NKAIN2: variants seen among roughly 807,000 people sequenced by gnomAD.
The protein encoded by NKAIN2 is sodium/potassium transporting ATPase interacting 2.
NKAIN2 carries 14 observed loss-of-function variants against 32.6 expected under a neutral mutation model. That is an observed-to-expected ratio of 0.43 (90% CI 0.28 to 0.67). NKAIN2 has a LOEUF of 0.67. NKAIN2 is among the 30% of genes least tolerant of loss of function. The pLI, the probability that NKAIN2 is intolerant of heterozygous loss-of-function variation, is 0.17. For synonymous variants in NKAIN2, 80 were observed against 87.2 expected (o/e 0.92, Z 0.46); for missense variants, 198 against 258.3 (o/e 0.77, Z 1.60).
At chr6:124,727,177 C>T (rs1162086805) in intron 4 of NKAIN2, among the ~76,000 whole-genome samples, 1 of 150,750 alleles carries the variant, frequency 6.6e-6, no homozygotes, top group Non-Finnish European at 1.5e-5. Flanking sequence ...GCAAGGCAGG[C>T]CAACGTTCAG....
At chr6:124,263,172 A>G (rs976549887) in intron 1 of NKAIN2, among the ~76,000 whole-genome samples, 4 of 152,214 alleles carry the variant, frequency 2.6e-5, no homozygotes, top group African/African-American at 9.7e-5. Flanking sequence ...GCTAAATACT[A>G]TATTTCGTAC....
chr6:124,074,239 G>T (rs1040344965), intron 1 of NKAIN2, among the ~76,000 whole-genome samples: 1 of 152,056 alleles, frequency 6.6e-6, no homozygotes, highest in African/African-American at 2.4e-5. Context: ...ATTTAGAGCT[G>T]GTCACCCGAC....
chr6:124,819,720 T>C (rs1246148870), intron 6 of NKAIN2, among the ~76,000 whole-genome samples: 1 of 152,172 alleles, frequency 6.6e-6, no homozygotes, highest in Non-Finnish European at 1.5e-5. Flanking sequence ...CCCTATTACC[T>C]ACTGTTGAAA....
chr6:124,182,569 T>C (rs1222505500), intron 1 of NKAIN2, among the ~76,000 whole-genome samples: 1 of 152,204 alleles, frequency 6.6e-6, no homozygotes, highest in East Asian at 1.9e-4. Flanking sequence ...TTAATGAAAT[T>C]AAATTTTACT....
intron 1 of NKAIN2, among the ~76,000 whole-genome samples, chr6:124,119,094 A>G (rs1304507299): frequency 6.6e-6 from 1 of 152,208 alleles, no homozygotes; most frequent in African/African-American, 2.4e-5. Flanking sequence ...CATCTTTGAA[A>G]TTAAAGACCT....
At chr6:124,498,533 A>C (rs1778157310) in intron 3 of NKAIN2, among the ~76,000 whole-genome samples, 2 of 152,204 alleles carry the variant, frequency 1.3e-5, no homozygotes, top group African/African-American at 4.8e-5. Context: ...CCATTAAAGC[A>C]CATGGAGATA....
chr6:124,449,322 A>T (rs1400982546), intron 3 of NKAIN2, among the ~76,000 whole-genome samples: 1 of 152,112 alleles, frequency 6.6e-6, no homozygotes, highest in African/African-American at 2.4e-5. Context: ...TGGAGACATA[A>T]AGCAATATCT....
intron 4 of NKAIN2, among the ~76,000 whole-genome samples, chr6:124,699,157 G>A (rs1774642577): frequency 6.6e-6 from 1 of 152,154 alleles, no homozygotes; most frequent in Non-Finnish European, 1.5e-5. Context: ...GTTTGGCTAT[G>A]TGGTTCTGGC....
intron 3 of NKAIN2, among the ~76,000 whole-genome samples, chr6:124,403,105 A>T (rs1407987151): frequency 1.3e-5 from 2 of 152,142 alleles, no homozygotes; most frequent in African/African-American, 4.8e-5. Context: ...TAAAATTGTT[A>T]TTTTTAGAAT....
intron 1 of NKAIN2, among the ~76,000 whole-genome samples, chr6:124,104,183 A>C (rs1393761406): frequency 6.6e-6 from 1 of 152,244 alleles, no homozygotes; most frequent in Admixed American, 6.5e-5. Flanking sequence ...CAGACATAGC[A>C]ATATGAAACG....
chr6:124,462,963 C>T (rs1168036722), intron 3 of NKAIN2, among the ~76,000 whole-genome samples: 1 of 151,986 alleles, frequency 6.6e-6, no homozygotes, highest in Non-Finnish European at 1.5e-5. Context: ...CACACTGAAC[C>T]TCTGAGCCTG....
In NKAIN2 at chr6:124,414,017, G is replaced by A. The variant is rs556397573; in HGVS notation, c.273+58670G>A. Among the ~76,000 whole-genome samples, 6 of 135,200 alleles carry A rather than the reference G, an allele frequency of 4.4e-5. 1 individual carries two copies. In the South Asian group the frequency reaches 6.7e-4, roughly 15 times the overall value. 88.7% of individuals were successfully genotyped at this position (135,200 alleles called of 152,430 possible). A position where few individuals can be genotyped will look rare whatever the true frequency, so the allele number is the denominator to read the frequency against. ...TCTGTTGAACCTGAATACTTTGTTCGTTTGTTTTTTTTTTTAATTACATTG... is the reference window on the plus strand; with the variant it reads ...TCTGTTGAACCTGAATACTTTGTTCATTTGTTTTTTTTTTTAATTACATTG... On this transcript the variant is annotated intron_variant, in intron 3 of 6. Transcript: ENST00000368417.
intron 4 of NKAIN2, among the ~76,000 whole-genome samples, chr6:124,663,708 C>T (rs1041053170): frequency 1.3e-5 from 2 of 151,902 alleles, no homozygotes; most frequent in Admixed American, 6.6e-5. Flanking sequence ...GGTGTACTTC[C>T]CAGAAATTAC....
intron 3 of NKAIN2, among the ~76,000 whole-genome samples, chr6:124,650,396 C>CCA (rs1312352290): frequency 6.6e-6 from 1 of 151,936 alleles, no homozygotes; most frequent in Non-Finnish European, 1.5e-5. Flanking sequence ...ATTTATATTA[C>CCA]CACACACACA....
At position 124,287,961 on chromosome 6, in the gene NKAIN2, C is replaced by G. The variant is rs1035598423; in HGVS notation, c.192+4819C>G. 6.6e-5 allele frequency among the ~76,000 whole-genome samples: 6 copies of G among 90,950 alleles called. No homozygotes were observed. In the African/African-American group the frequency reaches 7.6e-4, roughly 12 times the overall value. The allele number at this position is 90,950 out of a possible 152,430, so 59.7% of individuals were successfully genotyped here. Reference sequence around the variant, plus strand: ...CCAAAAATAAATTATTTCTCCCCCCCTCTCCCTTTCTTCCTTCCTTCTTTC... The same window carrying G: ...CCAAAAATAAATTATTTCTCCCCCCGTCTCCCTTTCTTCCTTCCTTCTTTC... On this transcript the variant is annotated intron_variant, in intron 2 of 6. Coordinates refer to ENST00000368417, the MANE Select transcript of NKAIN2 (RefSeq NM_001040214.3).
At chr6:124,673,050 C>A (rs184413848) in intron 4 of NKAIN2, among the ~76,000 whole-genome samples, 6 of 152,108 alleles carry the variant, frequency 3.9e-5, no homozygotes, top group Admixed American at 3.9e-4. Flanking sequence ...CATTTTCTCC[C>A]TTCCCCAAGC....
intron 3 of NKAIN2, among the ~76,000 whole-genome samples, chr6:124,368,078 T>C (rs574997140): frequency 6.6e-6 from 1 of 152,282 alleles, no homozygotes; most frequent in African/African-American, 2.4e-5. Flanking sequence ...AAAATTCTTT[T>C]AGAAATGTCC....
intron 3 of NKAIN2, among the ~76,000 whole-genome samples, chr6:124,562,893 A>G (rs1025527949): frequency 6.9e-6 from 1 of 145,616 alleles, no homozygotes; most frequent in African/African-American, 2.5e-5. Flanking sequence ...AAATGTTAGT[A>G]TTTTTTGTTT....
intron 3 of NKAIN2, among the ~76,000 whole-genome samples, chr6:124,416,014 A>T (rs181356722): frequency 0.013 from 1,860 of 147,600 alleles, 30 homozygotes; most frequent in African/African-American, 0.044. Context: ...CATTTTTTTT[A>T]AAATTTAAGT....
Sources: gnomAD v4.1 joint callset for allele counts (sites outside exome capture counted in the v4.1 genomes callset) on GRCh38, gnomAD v4.1.1 for gene constraint, MANE v1.5 for transcripts, NCBI Gene and HGNC (gene_info 2026-07-23, HGNC 2026-07-21) for gene names.